The following PCDH17 variants were observed in gnomAD, a reference collection of about 807,000 sequenced individuals.
PCDH17 encodes protocadherin 17.
In PCDH17, 21 loss-of-function variants were observed where a neutral mutation model predicts 67.7. That is an observed-to-expected ratio of 0.31 (90% CI 0.22 to 0.45). The LOEUF is 0.45. PCDH17 is among the 20% of genes least tolerant of loss of function. The pLI is 1.00. For synonymous variants in PCDH17, 701 were observed against 656.7 expected, an observed-to-expected ratio of 1.07 and a Z score of -1.03; for missense variants, 1,471 against 1,564.8, an observed-to-expected ratio of 0.94 and a Z score of 1.01.
chr13:57,650,629 A>C (rs892389070), intron 1 of PCDH17, among the ~76,000 whole-genome samples: 1 of 152,154 alleles, frequency 6.6e-6, no homozygotes, highest in Non-Finnish European at 1.5e-5. Context: ...TCTTCTCAAA[A>C]TTATGACTAT....
chr13:57,656,144 C>A (rs1955100439), intron 1 of PCDH17, among the ~76,000 whole-genome samples: 1 of 152,042 alleles, frequency 6.6e-6, no homozygotes, highest in Non-Finnish European at 1.5e-5. Flanking sequence ...GAATAATAAA[C>A]ATCACTACAG....
rs75464443 is a variant in PCDH17, at chr13:57,709,031, C to T, written c.2798-15581C>T. Among the ~76,000 whole-genome samples, 7 of 151,424 alleles carry T rather than the reference C, an allele frequency of 4.6e-5. No homozygotes were observed. In the East Asian group the frequency reaches 1.4e-3, roughly 29 times the overall value. ...AAGCAAGAATATACCACAGCATTTTCTTAATTTTGTATTACATACATGTTT... is the reference window on the plus strand; with the variant it reads ...AAGCAAGAATATACCACAGCATTTTTTTAATTTTGTATTACATACATGTTT... On this transcript the variant is annotated intron_variant, in intron 3 of 3. Coordinates refer to ENST00000377918, the MANE Select transcript of PCDH17 (RefSeq NM_001040429.3).
At chr13:57,689,740 G>C (rs1230773440) in intron 3 of PCDH17, among the ~76,000 whole-genome samples, 1 of 151,712 alleles carries the variant, frequency 6.6e-6, no homozygotes, top group Non-Finnish European at 1.5e-5. Context: ...GCAAATCCTT[G>C]ACCCCTAAAT....
Position 57,728,736 on chromosome 13 carries a change from C to T in PCDH17, c.*3442C>T, listed in dbSNP as rs1955932592. 1 of 151,942 alleles carries T rather than the reference C, an allele frequency of 6.6e-6. No individual in the cohort carries two copies. The highest frequency in any genetic ancestry group is 2.1e-4 in the South Asian group (1 of 4,822). The allele number at this position is 151,942 out of a possible 1,614,324, so 9.4% of individuals were successfully genotyped here. Reference sequence around the variant, plus strand: ...CACTACTCCATAGGTTAATTGAATTCCTGGTTGAGAAACTAACTTGTTTTG... The same window carrying T: ...CACTACTCCATAGGTTAATTGAATTTCTGGTTGAGAAACTAACTTGTTTTG... On this transcript the variant is annotated 3_prime_UTR_variant, in exon 4 of 4. Transcript: ENST00000377918.
chr13:57,689,973 A>G (rs1955543467), intron 3 of PCDH17, among the ~76,000 whole-genome samples: 1 of 151,856 alleles, frequency 6.6e-6, no homozygotes, highest in African/African-American at 2.4e-5. Flanking sequence ...GTGGCAATAG[A>G]AGCAAAATTA....
intron 3 of PCDH17, among the ~76,000 whole-genome samples, chr13:57,667,630 T>G (rs1955270390): frequency 6.6e-6 from 1 of 151,736 alleles, no homozygotes; most frequent in African/African-American, 2.4e-5. Flanking sequence ...ATTAGTAGTA[T>G]GTAAATATAT....
intron 3 of PCDH17, among the ~76,000 whole-genome samples, chr13:57,691,124 G>A (rs1955554668): frequency 6.6e-6 from 1 of 151,160 alleles, no homozygotes; most frequent in African/African-American, 2.4e-5. Flanking sequence ...AGTCAAAAGT[G>A]TTTACCAAAA....
At chr13:57,708,786 AC>A (rs1955744992) in intron 3 of PCDH17, among the ~76,000 whole-genome samples, 1 of 151,978 alleles carries the variant, frequency 6.6e-6, no homozygotes, top group East Asian at 1.9e-4. Context: ...AGAAAATGAG[AC>A]TATTTTAAAA....
At chr13:57,714,827 G>T (rs1955804615) in intron 3 of PCDH17, among the ~76,000 whole-genome samples, 1 of 151,776 alleles carries the variant, frequency 6.6e-6, no homozygotes, top group South Asian at 2.1e-4. Context: ...AGAGAAAAGT[G>T]TCTCATTCGA....
chr13:57,637,938 ATATAAG>A, intron 1 of PCDH17, among the ~76,000 whole-genome samples: 1 of 152,158 alleles, frequency 6.6e-6, no homozygotes, highest in East Asian at 1.9e-4. Flanking sequence ...CTAAGCATTC[ATATAAG>A]CTGATACAGA....
intron 3 of PCDH17, among the ~76,000 whole-genome samples, chr13:57,681,864 A>C (rs1358838206): frequency 1.3e-5 from 2 of 151,776 alleles, no homozygotes; most frequent in Non-Finnish European, 2.9e-5. Context: ...AAGTGCTAGC[A>C]TGAGTGTTAT....
intron 3 of PCDH17, among the ~76,000 whole-genome samples, chr13:57,678,840 TG>T (rs1955420595): frequency 6.6e-6 from 1 of 151,640 alleles, no homozygotes; most frequent in Non-Finnish European, 1.5e-5. Flanking sequence ...TTCCGTCTCA[TG>T]GTTCTCATGA....
intron 1 of PCDH17, among the ~76,000 whole-genome samples, chr13:57,662,115 C>T (rs1381069796): frequency 6.6e-6 from 1 of 152,158 alleles, no homozygotes; most frequent in African/African-American, 2.4e-5. Flanking sequence ...GATCCACCCA[C>T]CTTACCCTCC....
intron 3 of PCDH17, among the ~76,000 whole-genome samples, chr13:57,667,595 T>G (rs759499293): frequency 6.6e-6 from 1 of 151,862 alleles, no homozygotes. Flanking sequence ...AGAACTGTAG[T>G]TGATATAGTA....
intron 3 of PCDH17, among the ~76,000 whole-genome samples, chr13:57,708,641 C>G (rs1438679388): frequency 6.6e-6 from 1 of 151,744 alleles, no homozygotes; most frequent in African/African-American, 2.4e-5. Context: ...AAAGAAATAT[C>G]CCCAGGGCAA....
chr13:57,654,581 C>G (rs754230910), intron 1 of PCDH17, among the ~76,000 whole-genome samples: 1 of 151,886 alleles, frequency 6.6e-6, no homozygotes, highest in Non-Finnish European at 1.5e-5. Context: ...GGAGAAAATT[C>G]TTGAAATTAA....
intron 1 of PCDH17, among the ~76,000 whole-genome samples, chr13:57,655,970 C>T (rs1323117103): frequency 6.6e-6 from 1 of 152,034 alleles, no homozygotes; most frequent in East Asian, 1.9e-4. Flanking sequence ...AGAGGCAGTA[C>T]AGCAACCGAC....
At chr13:57,717,739 A>C (rs143927894) in intron 3 of PCDH17, among the ~76,000 whole-genome samples, 23 of 152,136 alleles carry the variant, frequency 1.5e-4, no homozygotes, top group Admixed American at 1.5e-3. Context: ...TCCTTTTCAA[A>C]ATGTGCTCTC....
intron 3 of PCDH17, among the ~76,000 whole-genome samples, chr13:57,684,360 A>G (rs1425091654): frequency 6.6e-6 from 1 of 151,932 alleles, no homozygotes; most frequent in African/African-American, 2.4e-5. Context: ...TTAAACACAT[A>G]TATTTATATT....
Sources: gnomAD v4.1 joint callset for allele counts (sites outside exome capture counted in the v4.1 genomes callset) on GRCh38, gnomAD v4.1.1 for gene constraint, MANE v1.5 for transcripts, NCBI Gene and HGNC (gene_info 2026-07-23, HGNC 2026-07-21) for gene names.